The following RAPGEF4 variants were observed in gnomAD, a reference collection of about 807,000 sequenced individuals.
RAPGEF4 encodes the protein Rap guanine nucleotide exchange factor 4, also known as RAP guanine-nucleotide-exchange factor (GEF) 4.
RAPGEF4 carries 66 observed loss-of-function variants against 147.9 expected under a neutral mutation model. The observed-to-expected ratio is 0.45, with a 90% CI of 0.37 to 0.55. The LOEUF is 0.55. Ranked by LOEUF, RAPGEF4 falls within the 20% of genes least tolerant of loss-of-function variation. The pLI is 0.00. For missense variants in RAPGEF4, 1,071 were observed against 1,257.3 expected (o/e 0.85, Z 2.24); for synonymous variants, 419 against 442.7 (o/e 0.95, Z 0.67).
intron 4 of RAPGEF4, among the ~76,000 whole-genome samples, chr2:172,881,426 G>A (rs1272135210): frequency 1.3e-5 from 2 of 152,138 alleles, no homozygotes; most frequent in Non-Finnish European, 2.9e-5. Flanking sequence ...AATATTTTAT[G>A]TATTTAAGAC....
chr2:172,965,757 A>C, intron 9 of RAPGEF4, 74 bp downstream of exon 9: 2 of 1,581,676 alleles, frequency 1.3e-6, no homozygotes, highest in East Asian at 4.5e-5. Flanking sequence ...TAGTTGCTGA[A>C]CTCTTGAATG....
intron 4 of RAPGEF4, among the ~76,000 whole-genome samples, chr2:172,870,045 C>A (rs1199690875): frequency 6.6e-6 from 1 of 152,036 alleles, no homozygotes; most frequent in Non-Finnish European, 1.5e-5. Flanking sequence ...TGCTGCAGCA[C>A]CCCTGAGTCA....
rs572975612 is a variant in RAPGEF4 at position 172,827,056 on chromosome 2, T to C, written c.444+12631T>C. ...AAACTGTGCTGCTAGTCACACTCTC[T>C]CCATCCACATTTTCTTTCCTTCCTC... On this transcript the variant is annotated intron_variant, in intron 4 of 30. Transcript: ENST00000397081. Among the ~76,000 whole-genome samples the C allele has an allele frequency of 5.9e-5, 9 of 152,306 alleles. No individual in the cohort carries two copies. In the East Asian group the frequency reaches 7.7e-4, roughly 13 times the overall value.
chr2:172,780,802 C>T (rs1684611401), intron 1 of RAPGEF4, among the ~76,000 whole-genome samples: 1 of 152,082 alleles, frequency 6.6e-6, no homozygotes, highest in African/African-American at 2.4e-5. Context: ...CATAATTTTA[C>T]ACATGTGCAA....
At chr2:173,005,111 G>A (rs1041679223) in intron 17 of RAPGEF4, among the ~76,000 whole-genome samples, 1 of 98,112 alleles carries the variant, frequency 1.0e-5, no homozygotes, top group African/African-American at 3.6e-5. Context: ...TTATTTCCAC[G>A]GTTTTTTTCT....
At chr2:172,895,440 G>A (rs1268733576) in intron 4 of RAPGEF4, among the ~76,000 whole-genome samples, 2 of 152,094 alleles carry the variant, frequency 1.3e-5, no homozygotes, top group African/African-American at 2.4e-5. Flanking sequence ...CTGCTTTGGG[G>A]AAAGATCATA....
chr2:172,896,361 T>C (rs951197053), intron 4 of RAPGEF4, among the ~76,000 whole-genome samples: 2 of 152,236 alleles, frequency 1.3e-5, no homozygotes, highest in Non-Finnish European at 2.9e-5. Context: ...TGATTTATAA[T>C]CTACAGGTTA....
intron 1 of RAPGEF4, among the ~76,000 whole-genome samples, chr2:172,738,235 A>T (rs1447215222): frequency 1.3e-5 from 2 of 152,188 alleles, no homozygotes. Flanking sequence ...CCTCTTTTCC[A>T]GGCACTGTGA....
At chr2:173,038,701 C>T (rs1010379100) in intron 29 of RAPGEF4, among the ~76,000 whole-genome samples, 6 of 152,060 alleles carry the variant, frequency 3.9e-5, no homozygotes, top group South Asian at 4.2e-4. Context: ...TGTATACCTA[C>T]GTAACAAACC....
chr2:172,874,815 A>G (rs192016488), intron 4 of RAPGEF4, among the ~76,000 whole-genome samples: 2,381 of 152,328 alleles, frequency 0.016, 25 homozygotes, highest in South Asian at 0.037. Flanking sequence ...TCCCTGAGGA[A>G]TCACCACACT....
intron 1 of RAPGEF4, among the ~76,000 whole-genome samples, chr2:172,746,599 A>G (rs1191663652): frequency 1.3e-5 from 2 of 152,102 alleles, no homozygotes; most frequent in Non-Finnish European, 1.5e-5. Context: ...GACTTGCTGT[A>G]TAGAAATATT....
chr2:172,769,459 T>C (rs1697156106), intron 1 of RAPGEF4, among the ~76,000 whole-genome samples: 1 of 152,174 alleles, frequency 6.6e-6, no homozygotes, highest in South Asian at 2.1e-4. Flanking sequence ...CACCCCTGTC[T>C]TCCTTCCTGG....
chr2:172,923,605 G>A (rs1177691392), intron 6 of RAPGEF4, among the ~76,000 whole-genome samples: 1 of 152,166 alleles, frequency 6.6e-6, no homozygotes, highest in Non-Finnish European at 1.5e-5. Context: ...CACTTCAAAT[G>A]TTACACCAAA....
intron 3 of RAPGEF4, among the ~76,000 whole-genome samples, chr2:172,810,539 T>A (rs1262774925): frequency 6.6e-6 from 1 of 152,168 alleles, no homozygotes; most frequent in Non-Finnish European, 1.5e-5. Flanking sequence ...AGTGATCCAG[T>A]GGACTGAGAA....
At chr2:172,856,690 A>G (rs1177264894) in intron 4 of RAPGEF4, among the ~76,000 whole-genome samples, 4 of 152,152 alleles carry the variant, frequency 2.6e-5, no homozygotes, top group Non-Finnish European at 5.9e-5. Context: ...TCTGCTTCAC[A>G]TATGTATAGT....
At chr2:172,747,958 TC>T (rs1303395666) in intron 1 of RAPGEF4, among the ~76,000 whole-genome samples, 1 of 152,252 alleles carries the variant, frequency 6.6e-6, no homozygotes, top group Non-Finnish European at 1.5e-5. Flanking sequence ...TAGCGTACTG[TC>T]CTTTAGGTTC....
chr2:172,933,890 T>C (rs561660105), intron 6 of RAPGEF4, among the ~76,000 whole-genome samples: 1 of 152,332 alleles, frequency 6.6e-6, no homozygotes, highest in African/African-American at 2.4e-5. Flanking sequence ...AGGGATGTTA[T>C]TTGTAACTTA....
rs773071701 is a variant in RAPGEF4 at position 172,821,995 on chromosome 2, A to AT, written c.444+7576dup. On this transcript the variant is annotated intron_variant, in intron 4 of 30. Coordinates refer to ENST00000397081, the MANE Select transcript of RAPGEF4 (RefSeq NM_007023.4). ...CTACAAGGTCAGAATGAATCTTTTTATTTTTTAGTGAAGGGTGGGAGAGTG... is the reference window on the plus strand; with the variant it reads ...CTACAAGGTCAGAATGAATCTTTTTATTTTTTTAGTGAAGGGTGGGAGAGTG... 25 of 1,612,366 alleles carry AT rather than the reference A, an allele frequency of 1.6e-5. 1 individual carries two copies. In the East Asian group the frequency reaches 3.1e-4, roughly 20 times the overall value.
At chr2:172,743,671 A>C (rs1054162941) in intron 1 of RAPGEF4, among the ~76,000 whole-genome samples, 1 of 152,212 alleles carries the variant, frequency 6.6e-6, no homozygotes, top group Admixed American at 6.5e-5. Context: ...TCCATGTGGC[A>C]CTGTCTGGCC....
Sources: gnomAD v4.1 joint callset for allele counts (sites outside exome capture counted in the v4.1 genomes callset) on GRCh38, gnomAD v4.1.1 for gene constraint, MANE v1.5 for transcripts, NCBI Gene and HGNC (gene_info 2026-07-23, HGNC 2026-07-21) for gene names.